AP4E1: variants seen among roughly 807,000 people sequenced by gnomAD.
AP4E1 encodes AP-4 complex subunit epsilon-1.
In AP4E1, 56 loss-of-function variants were observed where a neutral mutation model predicts 128.2. The observed-to-expected ratio is 0.44, with a 90% CI of 0.35 to 0.55. The LOEUF (loss-of-function observed/expected upper bound fraction) is 0.55. Ranked by LOEUF, AP4E1 falls within the 20% of genes least tolerant of loss-of-function variation. The pLI, the probability that AP4E1 is intolerant of heterozygous loss-of-function variation, is 0.00. For missense variants in AP4E1, 1,324 were observed against 1,307.7 expected (o/e 1.01, Z -0.19); for synonymous variants, 484 against 473.1 (o/e 1.02, Z -0.30).
intron 14 of AP4E1, among the ~76,000 whole-genome samples, chr15:50,965,716 C>T (rs892635691): frequency 7.9e-5 from 12 of 152,156 alleles, no homozygotes; most frequent in African/African-American, 2.9e-4. Context: ...TTTTATTCCT[C>T]CTCTATTTGA....
chr15:50,977,706 GTTTT>G (rs1401774266), intron 15 of AP4E1, among the ~76,000 whole-genome samples: 1 of 80,294 alleles, frequency 1.2e-5, no homozygotes, highest in African/African-American at 4.7e-5. Flanking sequence ...ATCTGTTATG[GTTTT>G]TTTTTTTTTT....
At chr15:50,968,108 C>G (rs2064419476) in intron 14 of AP4E1, among the ~76,000 whole-genome samples, 155 bp from the exon 15 acceptor site, 1 of 152,164 alleles carries the variant, frequency 6.6e-6, no homozygotes, top group Non-Finnish European at 1.5e-5. Context: ...TCATGAGCCA[C>G]CATGCCTGGC....
intron 5 of AP4E1, among the ~76,000 whole-genome samples, chr15:50,926,387 C>T (rs886219105): frequency 3.9e-5 from 6 of 152,010 alleles, no homozygotes; most frequent in South Asian, 2.1e-4. Context: ...TCACCTGCCT[C>T]GGCCTCCCAA....
At position 50,997,843 on chromosome 15, in the gene AP4E1, A is replaced by T; in HGVS notation, c.2864A>T (p.Lys955Ile). The change falls in exon 18 of 21, where the codon AAA (lysine) becomes ATA (isoleucine). Residue 955 changes from lysine (K) to isoleucine (I), a missense_variant. Transcript: ENST00000261842. ...ACTAATAAGAGTGGTTTGGAATTGA[A>T]AAGTGCTGACTTAGAAATTTTTCCT... ...SVTNKSGLELKSADLEIFPAE... is the reference protein window; with the variant it reads ...SVTNKSGLELISADLEIFPAE... 6.3e-7 allele frequency: 1 copy of T among 1,599,278 alleles called. No homozygotes were observed. The highest frequency in any genetic ancestry group is 8.5e-7 in the Non-Finnish European group (1 of 1,171,052).
chr15:50,916,336 G>A (rs932162580), intron 3 of AP4E1, among the ~76,000 whole-genome samples: 2 of 152,048 alleles, frequency 1.3e-5, no homozygotes, highest in African/African-American at 4.8e-5. Flanking sequence ...TAAATATCTT[G>A]TTCTTAGCTT....
intron 15 of AP4E1, among the ~76,000 whole-genome samples, chr15:50,970,248 A>G (rs947500859): frequency 6.6e-6 from 1 of 152,214 alleles, no homozygotes; most frequent in African/African-American, 2.4e-5. Flanking sequence ...GGTTTCATCC[A>G]TGTTGCCATG....
chr15:50,972,086 T>C (rs573333760), intron 15 of AP4E1, among the ~76,000 whole-genome samples: 108 of 152,348 alleles, frequency 7.1e-4, no homozygotes, highest in African/African-American at 2.5e-3. Flanking sequence ...TTCAATTTTA[T>C]GTAGTGCAGT....
chr15:50,984,444 C>G (rs1425613185), intron 16 of AP4E1, among the ~76,000 whole-genome samples: 2 of 150,412 alleles, frequency 1.3e-5, no homozygotes, highest in Non-Finnish European at 3.0e-5. Flanking sequence ...TCTCCTAATA[C>G]TATCCCTTCC....
intron 10 of AP4E1, 136 bp from the exon 11 acceptor site, chr15:50,947,884 T>C (rs142220979): frequency 4.0e-4 from 274 of 691,662 alleles, no homozygotes; most frequent in Admixed American, 9.1e-4. Context: ...TTGCATTTCT[T>C]ACCTGTTAAC....
chr15:50,980,151 T>G (rs2064622517), intron 15 of AP4E1, among the ~76,000 whole-genome samples: 1 of 152,222 alleles, frequency 6.6e-6, no homozygotes, highest in African/African-American at 2.4e-5. Flanking sequence ...TCTCTTTATC[T>G]CTAAGTTACT....
chr15:50,988,515 A>G (rs942679871), intron 16 of AP4E1, among the ~76,000 whole-genome samples: 1 of 152,038 alleles, frequency 6.6e-6, no homozygotes, highest in South Asian at 2.1e-4. Context: ...GGGTTTCACC[A>G]TGTTGGCCAG....
chr15:50,943,993 T>G (rs891828798), intron 10 of AP4E1, among the ~76,000 whole-genome samples: 2 of 152,038 alleles, frequency 1.3e-5, no homozygotes, highest in Admixed American at 6.6e-5. Context: ...AGATAGGGGG[T>G]TTATAATATT....
At chr15:50,976,489 A>G (rs983941984) in intron 15 of AP4E1, among the ~76,000 whole-genome samples, 4 of 152,218 alleles carry the variant, frequency 2.6e-5, no homozygotes, top group African/African-American at 9.6e-5. Flanking sequence ...AAGGATGCCC[A>G]CTTGTCTCTT....
intron 3 of AP4E1, among the ~76,000 whole-genome samples, chr15:50,923,451 T>C (rs1041745573): frequency 1.3e-5 from 2 of 152,212 alleles, no homozygotes; most frequent in African/African-American, 4.8e-5. Context: ...ATTTAATATA[T>C]GATTTACATC....
At chr15:50,908,308 G>C (rs1256917782), upstream of AP4E1, among the ~76,000 whole-genome samples, 1 of 152,136 alleles carries the variant, frequency 6.6e-6, no homozygotes, top group Admixed American at 6.5e-5. Context: ...AAGCGGGCGG[G>C]TGGCGCGCGC....
At chr15:50,937,633 A>G (rs1174420346) in intron 8 of AP4E1, among the ~76,000 whole-genome samples, 1 of 152,230 alleles carries the variant, frequency 6.6e-6, no homozygotes, top group East Asian at 1.9e-4. Context: ...AGTAGAGATC[A>G]TTAAGGGCCT....
At chr15:50,929,659 G>A (rs2063808260) in intron 6 of AP4E1, among the ~76,000 whole-genome samples, 1 of 151,990 alleles carries the variant, frequency 6.6e-6, no homozygotes, top group African/African-American at 2.4e-5. Context: ...CATCCTTAGT[G>A]TATTGCCTGA....
chr15:50,984,154 A>C lies in AP4E1; in HGVS notation c.2090+9A>C. 3 of 1,612,598 alleles carry C rather than the reference A, an allele frequency of 1.9e-6. No individual in the cohort carries two copies. Among genetic ancestry groups the C allele is most frequent in the East Asian group, 2.2e-5 (1 of 44,812 alleles). ...GAGACAGGACTGAAAGAGTAAGTTC[A>C]TTTCTTATTAAAATTGAGGTTATGG... On this transcript the variant is annotated intron_variant, in intron 16 of 20. Transcript: ENST00000261842.
intron 7 of AP4E1, among the ~76,000 whole-genome samples, chr15:50,931,916 G>A (rs1302068537): frequency 2.0e-5 from 3 of 151,734 alleles, no homozygotes; most frequent in Non-Finnish European, 4.4e-5. Context: ...TATTCTTTTA[G>A]CCAATAACTT....
Sources: gnomAD v4.1 joint callset for allele counts (sites outside exome capture counted in the v4.1 genomes callset) on GRCh38, gnomAD v4.1.1 for gene constraint, MANE v1.5 for transcripts, NCBI Gene and HGNC (gene_info 2026-07-23, HGNC 2026-07-21) for gene names.